WDR70: variants seen among roughly 807,000 people sequenced by gnomAD.
WDR70 encodes WD repeat-containing protein 70.
In WDR70, 53 loss-of-function variants were observed where a neutral mutation model predicts 88.6. The observed-to-expected ratio is 0.60, with a 90% CI of 0.48 to 0.75. The LOEUF is 0.75. WDR70 is among the 30% of genes least tolerant of loss of function. WDR70 has a pLI of 0.00. For synonymous variants in WDR70, 280 were observed against 270.0 expected, an observed-to-expected ratio of 1.04 and a Z score of -0.36; for missense variants, 610 against 823.2, an observed-to-expected ratio of 0.74 and a Z score of 3.17.
chr5:37,487,600 A>T lies in WDR70; in HGVS notation c.840+7613A>T, dbSNP rs866956099. 2.2e-3 allele frequency among the ~76,000 whole-genome samples: 183 copies of T among 84,630 alleles called. 1 individual carries two copies. Among genetic ancestry groups the T allele is most frequent in the African/African-American group, 6.0e-3 (170 of 28,276 alleles). 55.5% of individuals were successfully genotyped at this position (84,630 alleles called of 152,430 possible). A position where few individuals can be genotyped will look rare whatever the true frequency, so the allele number is the denominator to read the frequency against. On this transcript the variant is annotated intron_variant, in intron 8 of 17. Coordinates refer to ENST00000265107, the MANE Select transcript of WDR70 (RefSeq NM_018034.4). ...TTTTATATATGGGTATGTATATATA[A>T]ATATATATATATATATATATATATG...
intron 7 of WDR70, among the ~76,000 whole-genome samples, chr5:37,477,004 T>G (rs1034818577): frequency 2.0e-5 from 3 of 152,232 alleles, no homozygotes; most frequent in Non-Finnish European, 2.9e-5. Context: ...AGTGTAAAAG[T>G]GGACCCGTGC....
At chr5:37,531,801 A>G (rs1482007552) in intron 9 of WDR70, among the ~76,000 whole-genome samples, 3 of 148,512 alleles carry the variant, frequency 2.0e-5, no homozygotes, top group Non-Finnish European at 4.5e-5. Context: ...TCATTGTGCT[A>G]TTTGTTGCCT....
intron 5 of WDR70, among the ~76,000 whole-genome samples, chr5:37,421,222 C>T (rs1451087929): frequency 2.6e-5 from 4 of 152,214 alleles, no homozygotes; most frequent in Non-Finnish European, 5.9e-5. Context: ...TGCCCTACTA[C>T]ACTACTGGTT....
chr5:37,544,122 C>G (rs902994106), intron 9 of WDR70, among the ~76,000 whole-genome samples: 1 of 152,084 alleles, frequency 6.6e-6, no homozygotes, highest in Non-Finnish European at 1.5e-5. Flanking sequence ...AAGTTTCTGC[C>G]TATTAGTGCT....
intron 10 of WDR70, among the ~76,000 whole-genome samples, chr5:37,623,854 G>A (rs539513871): frequency 6.6e-6 from 1 of 152,174 alleles, no homozygotes; most frequent in East Asian, 1.9e-4. Context: ...TATTTATTCA[G>A]TTACTCATAT....
intron 11 of WDR70, among the ~76,000 whole-genome samples, chr5:37,699,909 T>G (rs1048149781): frequency 2.0e-5 from 3 of 150,818 alleles, no homozygotes; most frequent in Non-Finnish European, 4.4e-5. Flanking sequence ...ATCATGCCAC[T>G]GCACTCCAGC....
chr5:37,406,978 TA>T (rs764202948), intron 5 of WDR70, among the ~76,000 whole-genome samples: 20 of 152,326 alleles, frequency 1.3e-4, no homozygotes, highest in Non-Finnish European at 2.4e-4. Flanking sequence ...CAAAAGGAAC[TA>T]ACGAAAACTG....
intron 7 of WDR70, among the ~76,000 whole-genome samples, chr5:37,447,025 T>G (rs1031930617): frequency 1.8e-4 from 27 of 152,100 alleles, no homozygotes; most frequent in Admixed American, 3.3e-4. Flanking sequence ...GGGAGGAAAT[T>G]TTTGCAACCT....
chr5:37,392,855 C>G (rs902551019), intron 4 of WDR70, among the ~76,000 whole-genome samples: 2 of 151,988 alleles, frequency 1.3e-5, no homozygotes, highest in African/African-American at 4.8e-5. Flanking sequence ...CCATGTTGGT[C>G]AGGCTGGTCT....
rs115069863 is a variant in WDR70 at position 37,566,069 on chromosome 5, T to C, written c.918-38995T>C. The stretch of plus-strand genomic sequence containing the variant: ...AACCATCATCTAGTTTTTAGAATAG[T>C]TTCATCTCTCCAAAATGAAACCCTG... On this transcript the variant is annotated intron_variant, in intron 9 of 17. Coordinates refer to ENST00000265107, the MANE Select transcript of WDR70 (RefSeq NM_018034.4). Among the ~76,000 whole-genome samples the C allele has an allele frequency of 8.1e-3, 1,230 of 152,166 alleles. 20 individuals are homozygous for C. Among genetic ancestry groups the C allele is most frequent in the African/African-American group, 0.028 (1,166 of 41,534 alleles).
At chr5:37,456,583 T>C (rs1232141778) in intron 7 of WDR70, among the ~76,000 whole-genome samples, 1 of 152,184 alleles carries the variant, frequency 6.6e-6, no homozygotes, top group Non-Finnish European at 1.5e-5. Flanking sequence ...GTATTTGTGT[T>C]TTTTAGTTAC....
At chr5:37,740,906 C>T (rs1436170753) in intron 17 of WDR70, among the ~76,000 whole-genome samples, 1 of 152,220 alleles carries the variant, frequency 6.6e-6, no homozygotes, top group Admixed American at 6.5e-5. Flanking sequence ...ACTGCTCACT[C>T]TGGTCCACCA....
chr5:37,680,437 G>A (rs769324053), intron 10 of WDR70, among the ~76,000 whole-genome samples: 2 of 152,012 alleles, frequency 1.3e-5, no homozygotes, highest in Admixed American at 6.6e-5. Flanking sequence ...CTTCTGTCGC[G>A]ATTGCTTTTG....
intron 10 of WDR70, among the ~76,000 whole-genome samples, chr5:37,643,329 C>T (rs1200805621): frequency 6.6e-6 from 1 of 151,792 alleles, no homozygotes; most frequent in African/African-American, 2.4e-5. Context: ...CACTATTCCA[C>T]TTCATTGGTC....
rs562588633 is a variant in WDR70 at position 37,524,552 on chromosome 5, G to T, written c.917+7962G>T. Reference sequence around the variant, plus strand: ...ATGCCAAATTGTAAAGACCATCGAGGCTAGGAAGAAACTGCATCAACTAAC... The same window carrying T: ...ATGCCAAATTGTAAAGACCATCGAGTCTAGGAAGAAACTGCATCAACTAAC... On this transcript the variant is annotated intron_variant, in intron 9 of 17. Transcript: ENST00000265107. Among the ~76,000 whole-genome samples the T allele has an allele frequency of 2.0e-5, 3 of 152,270 alleles. No individual in the cohort carries two copies. In the South Asian group the frequency reaches 6.2e-4, roughly 32 times the overall value.
At chr5:37,472,029 GT>G (rs201096290) in intron 7 of WDR70, among the ~76,000 whole-genome samples, 41 of 150,432 alleles carry the variant, frequency 2.7e-4, no homozygotes, top group Non-Finnish European at 4.0e-4. Flanking sequence ...ATTTGTTATA[GT>G]TTTTTTTTAA....
intron 10 of WDR70, among the ~76,000 whole-genome samples, chr5:37,662,879 A>G (rs892618542): frequency 6.6e-6 from 1 of 152,208 alleles, no homozygotes; most frequent in African/African-American, 2.4e-5. Flanking sequence ...CGTCAGTAGG[A>G]TCATCAAATC....
chr5:37,426,798 T>G (rs1750138024), intron 5 of WDR70, among the ~76,000 whole-genome samples: 1 of 149,534 alleles, frequency 6.7e-6, no homozygotes. Flanking sequence ...CTAGGTTCTT[T>G]TTTTTTTTTT....
At chr5:37,702,174 A>G (rs1045816377) in intron 12 of WDR70, among the ~76,000 whole-genome samples, 4 of 152,230 alleles carry the variant, frequency 2.6e-5, no homozygotes, top group Non-Finnish European at 5.9e-5. Context: ...TAACTCTAAC[A>G]TGTCTGCTGC....
Sources: allele counts gnomAD v4.1 joint callset (sites outside exome capture counted in the v4.1 genomes callset), GRCh38; gene constraint gnomAD v4.1.1; transcripts MANE v1.5; gene names NCBI Gene and HGNC (gene_info 2026-07-23, HGNC 2026-07-21).